RPS6KC1: variants seen among roughly 807,000 people sequenced by gnomAD.
RPS6KC1 encodes the protein inactive ribosomal protein S6 kinase delta-1.
RPS6KC1 carries 54 observed loss-of-function variants against 103.8 expected under a neutral mutation model. That is an observed-to-expected ratio of 0.52 (90% CI 0.42 to 0.65). RPS6KC1 has a LOEUF of 0.65. Among genes scored for constraint, RPS6KC1 ranks in the 30% least tolerant of loss-of-function variants. The pLI is 0.00. For missense variants in RPS6KC1, 1,151 were observed against 1,253.8 expected (o/e 0.92, Z 1.24); for synonymous variants, 439 against 438.7 (o/e 1.00, Z -0.01).
the RPS6KC1 span, among the ~76,000 whole-genome samples, chr1:213,650,926 G>GT: frequency 2.7e-5 from 3 of 112,818 alleles, no homozygotes; most frequent in East Asian, 2.5e-4. Context: ...CAACTTGCAT[G>GT]TTAAAAAAAA....
At chr1:213,251,446 G>T (rs2094544706) in intron 12 of RPS6KC1, among the ~76,000 whole-genome samples, 1 of 152,160 alleles carries the variant, frequency 6.6e-6, no homozygotes, top group Non-Finnish European at 1.5e-5. Context: ...ACCTGTGCCA[G>T]AGCAAACTGT....
the RPS6KC1 span, among the ~76,000 whole-genome samples, chr1:213,349,629 C>T: frequency 6.6e-6 from 1 of 152,142 alleles, no homozygotes; most frequent in Admixed American, 6.5e-5. Flanking sequence ...GAGGATAATT[C>T]GTAGTTACTT....
intron 6 of RPS6KC1, among the ~76,000 whole-genome samples, chr1:213,144,665 A>T (rs1027495002): frequency 1.3e-5 from 2 of 152,020 alleles, no homozygotes; most frequent in African/African-American, 4.8e-5. Flanking sequence ...TCTTTACCCT[A>T]TTCTCCTTAG....
the RPS6KC1 span, among the ~76,000 whole-genome samples, chr1:213,827,403 T>G: frequency 2.0e-5 from 3 of 152,126 alleles, no homozygotes; most frequent in Non-Finnish European, 4.4e-5. Flanking sequence ...AGGAGGAACC[T>G]CCATGCTAGG....
At chr1:213,309,672 C>T in the RPS6KC1 span, among the ~76,000 whole-genome samples, 1 of 152,074 alleles carries the variant, frequency 6.6e-6, no homozygotes, top group Non-Finnish European at 1.5e-5. Context: ...CTTGATTCTC[C>T]TCTTCTCTTA....
the RPS6KC1 span, among the ~76,000 whole-genome samples, chr1:213,823,671 C>T: frequency 6.6e-6 from 1 of 150,694 alleles, no homozygotes; most frequent in African/African-American, 2.4e-5. Flanking sequence ...CCAAAACATT[C>T]AAGTTTTTAT....
chr1:213,365,521 G>T, the RPS6KC1 span, among the ~76,000 whole-genome samples: 7 of 152,202 alleles, frequency 4.6e-5, no homozygotes, highest in Non-Finnish European at 1.0e-4. Flanking sequence ...GTTTTAAATA[G>T]TCATAATAGC....
chr1:213,471,910 A>G, the RPS6KC1 span, among the ~76,000 whole-genome samples: 18 of 152,128 alleles, frequency 1.2e-4, no homozygotes, highest in African/African-American at 4.3e-4. Flanking sequence ...TTTGACTTGG[A>G]GCTGAAAAGA....
the RPS6KC1 span, among the ~76,000 whole-genome samples, chr1:213,852,577 A>G: frequency 6.6e-6 from 1 of 152,172 alleles, no homozygotes; most frequent in Non-Finnish European, 1.5e-5. Flanking sequence ...CTCCCTGTAA[A>G]TAACAGTACA....
chr1:213,686,132 A>G, the RPS6KC1 span, among the ~76,000 whole-genome samples: 3 of 152,198 alleles, frequency 2.0e-5, no homozygotes, highest in Admixed American at 2.0e-4. Flanking sequence ...ACCATTTACC[A>G]GCCCTCCCCA....
intron 14 of RPS6KC1, among the ~76,000 whole-genome samples, chr1:213,267,479 G>A (rs2094938906): frequency 6.6e-6 from 1 of 151,856 alleles, no homozygotes. Flanking sequence ...TATCTAAAAT[G>A]TCCTGTTTTC....
At chr1:213,296,532 C>T in the RPS6KC1 span, among the ~76,000 whole-genome samples, 5 of 152,156 alleles carry the variant, frequency 3.3e-5, no homozygotes, top group Non-Finnish European at 7.3e-5. Context: ...TGATTAGTGT[C>T]TTGGCATCAA....
the RPS6KC1 span, among the ~76,000 whole-genome samples, chr1:213,862,035 G>A: frequency 2.6e-5 from 4 of 152,012 alleles, no homozygotes; most frequent in Non-Finnish European, 4.4e-5. Context: ...GCTAGAAAGC[G>A]GGGGGCAGGT....
the RPS6KC1 span, among the ~76,000 whole-genome samples, chr1:213,313,343 T>G: frequency 1.2e-3 from 161 of 134,788 alleles, 1 homozygote; most frequent in African/African-American, 4.9e-3. Flanking sequence ...GGTGTGTGGG[T>G]TTTTTTTTTT....
the RPS6KC1 span, among the ~76,000 whole-genome samples, chr1:213,367,643 A>G: frequency 6.6e-6 from 1 of 152,204 alleles, no homozygotes; most frequent in Non-Finnish European, 1.5e-5. Context: ...CTTCATTGAG[A>G]AAGTCTTGGT....
the RPS6KC1 span, among the ~76,000 whole-genome samples, chr1:213,687,668 C>G: frequency 6.6e-6 from 1 of 152,092 alleles, no homozygotes; most frequent in South Asian, 2.1e-4. Context: ...TCTCTAGTCT[C>G]AAGGACTTTA....
intron 4 of RPS6KC1, among the ~76,000 whole-genome samples, chr1:213,110,202 T>A (rs1572584613): frequency 6.6e-6 from 1 of 152,232 alleles, no homozygotes; most frequent in Non-Finnish European, 1.5e-5. Flanking sequence ...AACATCTTTG[T>A]TCCCTCACAG....
At chr1:213,224,189 C>A (rs1415520039) in intron 8 of RPS6KC1, among the ~76,000 whole-genome samples, 2 of 152,110 alleles carry the variant, frequency 1.3e-5, no homozygotes, top group Non-Finnish European at 2.9e-5. Flanking sequence ...CTTTTCTTTG[C>A]AAAGATGGTT....
chr1:213,602,092 CTT>C, the RPS6KC1 span, among the ~76,000 whole-genome samples: 239 of 36,260 alleles, frequency 6.6e-3, 3 homozygotes, highest in African/African-American at 0.018. Flanking sequence ...TTCTTTCTTT[CTT>C]TCTTTCTTTC....
Sources: gnomAD v4.1 joint callset for allele counts (sites outside exome capture counted in the v4.1 genomes callset) on GRCh38, gnomAD v4.1.1 for gene constraint, MANE v1.5 for transcripts, NCBI Gene and HGNC (gene_info 2026-07-23, HGNC 2026-07-21) for gene names.